PCDHGA2: variants seen among roughly 807,000 people sequenced by gnomAD.
The protein encoded by PCDHGA2 is protocadherin gamma-A2.
PCDHGA2 carries 40 observed loss-of-function variants against 59.2 expected under a neutral mutation model. The observed-to-expected ratio is 0.68, with a 90% CI of 0.52 to 0.88. The LOEUF (loss-of-function observed/expected upper bound fraction) is 0.88. PCDHGA2 is among the 40% of genes least tolerant of loss of function. The pLI is 0.00. For synonymous variants in PCDHGA2, 560 were observed against 526.0 expected, an observed-to-expected ratio of 1.06 and a Z score of -0.89; for missense variants, 1,226 against 1,204.0, an observed-to-expected ratio of 1.02 and a Z score of -0.27.
At position 141,510,984 on chromosome 5, in the gene PCDHGA2, C is replaced by A. The variant is rs375865663; in HGVS notation, c.2610C>A (p.Ala870=). 6.2e-7 allele frequency: 1 copy of A among 1,614,162 alleles called. No individual in the cohort carries two copies. The highest frequency in any genetic ancestry group is 8.5e-7 in the Non-Finnish European group (1 of 1,180,012). The part of the protein sequence containing the change: ...ADGSSTLGGG[A]GTMGLSARYG... The stretch of plus-strand genomic sequence containing the variant: ...GGAGCTCCACCCTGGGAGGGGGTGC[C>A]GGCACCATGGGATTGAGCGCCCGCT... Residue 870 remains alanine, a synonymous_variant, in exon 4 of 4, where the codon GCC becomes GCA. Coordinates refer to ENST00000394576, the MANE Select transcript of PCDHGA2 (RefSeq NM_018915.4).
chr5:141,419,763 A>T, intron 1 of PCDHGA2: 1 of 1,614,014 alleles, frequency 6.2e-7, no homozygotes, highest in South Asian at 1.1e-5. Flanking sequence ...TTGGGTGACA[A>T]GGACTCGGTC....
intron 1 of PCDHGA2, chr5:141,478,169 G>A (rs2099436111): frequency 1.2e-6 from 2 of 1,613,716 alleles, no homozygotes; most frequent in Admixed American, 1.7e-5. Flanking sequence ...TGCCCCCCGG[G>A]AGCAGAAAAA....
At position 141,487,025 on chromosome 5, in the gene PCDHGA2, C is replaced by T. The variant is rs769789352; in HGVS notation, c.2425-7782C>T. On this transcript the variant is annotated intron_variant, in intron 1 of 3. Transcript: ENST00000394576. This position sits in a 1 kb window ranked among gnomAD's most constrained non-coding sequence, Gnocchi z 5.0. ...GCTCCTGGAGGCCCCAGATCCCAGCCTGTTTGCAGTCTCTCGATATGCTGG... is the reference window on the plus strand; with the variant it reads ...GCTCCTGGAGGCCCCAGATCCCAGCTTGTTTGCAGTCTCTCGATATGCTGG... 1.9e-6 allele frequency: 3 copies of T among 1,614,216 alleles called. No homozygotes were observed. Among genetic ancestry groups the T allele is most frequent in the Non-Finnish European group, 2.5e-6 (3 of 1,180,050 alleles).
chr5:141,400,713 T>G (rs1225008709), intron 1 of PCDHGA2: 1 of 686,914 alleles, frequency 1.5e-6, no homozygotes, highest in Admixed American at 3.0e-5. Flanking sequence ...GAAGTAGCCT[T>G]ATAGATTTAC....
At chr5:141,374,447 G>C in intron 1 of PCDHGA2, 1 of 1,613,798 alleles carries the variant, frequency 6.2e-7, no homozygotes, top group Non-Finnish European at 8.5e-7. Flanking sequence ...CGTGGAAGTG[G>C]AAATAGTGGA....
intron 1 of PCDHGA2, chr5:141,433,078 C>A (rs947684072): frequency 2.5e-5 from 40 of 1,614,144 alleles, no homozygotes; most frequent in Non-Finnish European, 3.3e-5. Context: ...TCCCCCAGCC[C>A]AACTATGCAG....
intron 1 of PCDHGA2, chr5:141,409,458 A>G (rs1435071611): frequency 4.3e-6 from 7 of 1,613,820 alleles, no homozygotes; most frequent in East Asian, 2.2e-5. Context: ...CCAGAATACA[A>G]TGTCACCATC....
chr5:141,400,071 G>A (rs2093956056), intron 1 of PCDHGA2: 1 of 1,613,824 alleles, frequency 6.2e-7, no homozygotes, highest in African/African-American at 1.3e-5. Flanking sequence ...GTGGACAGCC[G>A]CCACTCTCCG....
chr5:141,434,455 G>A (rs2097695575), intron 1 of PCDHGA2, among the ~76,000 whole-genome samples: 1 of 152,192 alleles, frequency 6.6e-6, no homozygotes, highest in Admixed American at 6.5e-5. Context: ...GAAGGTAGTG[G>A]GTTTACCGGA....
intron 1 of PCDHGA2, chr5:141,418,184 G>A: frequency 6.2e-7 from 1 of 1,614,096 alleles, no homozygotes; most frequent in Non-Finnish European, 8.5e-7. Flanking sequence ...ATTGGAAGCT[G>A]TGGTGGAAAA....
intron 1 of PCDHGA2, chr5:141,424,584 C>T (rs919265310): frequency 3.9e-5 from 6 of 152,082 alleles, no homozygotes; most frequent in African/African-American, 1.4e-4. Flanking sequence ...TTCAAATGTG[C>T]TAAAGATGTC....
chr5:141,400,217 T>G, intron 1 of PCDHGA2: 1 of 1,614,034 alleles, frequency 6.2e-7, no homozygotes, highest in Non-Finnish European at 8.5e-7. Context: ...TTGATCTCAG[T>G]GCTCTTCCTC....
chr5:141,418,452 A>C (rs2096259372), intron 1 of PCDHGA2: 5 of 1,614,024 alleles, frequency 3.1e-6, no homozygotes, highest in Non-Finnish European at 4.2e-6. Context: ...GTATTGCAGA[A>C]GACTCTGGAC....
At chr5:141,507,132 C>T (rs748716107) in intron 3 of PCDHGA2, 2 of 152,188 alleles carry the variant, frequency 1.3e-5, no homozygotes, top group African/African-American at 2.4e-5. Flanking sequence ...GATCCAGCCT[C>T]GGCTTCTCTA....
At chr5:141,392,820 G>T in intron 1 of PCDHGA2, 1 of 1,592,868 alleles carries the variant, frequency 6.3e-7, no homozygotes. Flanking sequence ...AACAATGGCC[G>T]CTCCACAGAG....
At chr5:141,450,453 C>T (rs1202828231) in intron 1 of PCDHGA2, among the ~76,000 whole-genome samples, 3 of 152,058 alleles carry the variant, frequency 2.0e-5, no homozygotes, top group East Asian at 1.9e-4. Flanking sequence ...TATGTTTCCT[C>T]GTGATTTTAT....
At chr5:141,407,881 C>T in intron 1 of PCDHGA2, 2 of 375,244 alleles carry the variant, frequency 5.3e-6, no homozygotes, top group Non-Finnish European at 9.5e-6. Context: ...ATATACATTT[C>T]GGAGACCGAA....
At chr5:141,356,030 T>C (rs750910395) in intron 1 of PCDHGA2, 1 of 1,613,998 alleles carries the variant, frequency 6.2e-7, no homozygotes, top group Admixed American at 1.7e-5. Context: ...AATGGAGACG[T>C]GACGTATTCT....
chr5:141,352,711 C>G, intron 1 of PCDHGA2: 1 of 1,542,158 alleles, frequency 6.5e-7, no homozygotes, highest in Non-Finnish European at 8.7e-7. Flanking sequence ...ATATGGCGGC[C>G]GGGCGCGGTG....
Sources: gnomAD v4.1 joint callset for allele counts (sites outside exome capture counted in the v4.1 genomes callset) on GRCh38, gnomAD v4.1.1 for gene constraint, Gnocchi (gnomAD v3.1) non-coding constraint, MANE v1.5 for transcripts, NCBI Gene and HGNC (gene_info 2026-07-23, HGNC 2026-07-21) for gene names.